TRPC1: variants seen among roughly 807,000 people sequenced by gnomAD.
TRPC1 encodes the protein transient receptor potential cation channel subfamily C member 1.
TRPC1 carries 42 observed loss-of-function variants against 88.2 expected under a neutral mutation model. The observed-to-expected ratio is 0.48, with a 90% CI of 0.37 to 0.62. The LOEUF (loss-of-function observed/expected upper bound fraction) is 0.62, where lower values mean the gene tolerates loss of function less well. TRPC1 is among the 20% of genes least tolerant of loss of function. The pLI is 0.00. For missense variants in TRPC1, 699 were observed against 957.3 expected (o/e 0.73, Z 3.56); for synonymous variants, 288 against 331.8 (o/e 0.87, Z 1.43).
intron 1 of TRPC1, among the ~76,000 whole-genome samples, chr3:142,731,002 C>T (rs1182060986): frequency 2.0e-5 from 3 of 152,156 alleles, no homozygotes; most frequent in Admixed American, 2.0e-4. Context: ...GGTGGAATCA[C>T]CTGTTCTTAA....
At chr3:142,750,592 T>G (rs1301559319) in intron 4 of TRPC1, among the ~76,000 whole-genome samples, 2 of 152,094 alleles carry the variant, frequency 1.3e-5, no homozygotes, top group East Asian at 1.9e-4. Context: ...TATAAATCAT[T>G]TTACTATAAA....
intron 4 of TRPC1, among the ~76,000 whole-genome samples, chr3:142,750,052 G>A (rs902104006): frequency 1.1e-4 from 17 of 152,088 alleles, no homozygotes; most frequent in African/African-American, 2.9e-4. Context: ...CAATGGCAGC[G>A]AAAGCCAAAA....
In TRPC1 at chr3:142,792,421, A is replaced by T. The variant is rs1486582893; in HGVS notation, c.1438-403A>T. Among the ~76,000 whole-genome samples, 1 of 151,990 alleles carries T rather than the reference A, an allele frequency of 6.6e-6. No homozygotes were observed. The highest frequency in any genetic ancestry group is 1.9e-4 in the East Asian group (1 of 5,190). ...TATTTTGTATTTAAAAGGGGGGAAA[A>T]AAACTCTGAATTCCAAGTCAAAGCA... On this transcript the variant is annotated intron_variant, in intron 8 of 12. Coordinates refer to ENST00000476941, the MANE Select transcript of TRPC1 (RefSeq NM_001251845.2). The surrounding 1 kb of genome is among the most constrained non-coding windows in gnomAD (Gnocchi z 4.0).
At chr3:142,733,053 C>T (rs1933991205) in intron 1 of TRPC1, among the ~76,000 whole-genome samples, 1 of 151,892 alleles carries the variant, frequency 6.6e-6, no homozygotes, top group African/African-American at 2.4e-5. Flanking sequence ...TCTAGGTTTC[C>T]TGTAGGTTCT....
chr3:142,754,387 A>G (rs1000597924), intron 4 of TRPC1, among the ~76,000 whole-genome samples: 2 of 152,124 alleles, frequency 1.3e-5, no homozygotes, highest in Admixed American at 6.5e-5. Flanking sequence ...AAAGAAATGG[A>G]TTGCCAGTTA....
chr3:142,794,904 C>T (rs1243952785), intron 9 of TRPC1, among the ~76,000 whole-genome samples: 1 of 151,940 alleles, frequency 6.6e-6, no homozygotes, highest in Non-Finnish European at 1.5e-5. Flanking sequence ...AAAACCTATC[C>T]AAAAGCAACA....
intron 7 of TRPC1, among the ~76,000 whole-genome samples, chr3:142,790,036 A>G (rs910834908): frequency 2.0e-5 from 3 of 152,164 alleles, no homozygotes; most frequent in Admixed American, 2.0e-4. Context: ...AGTTAGGAGA[A>G]TTGGGAGTGG....
chr3:142,781,375 A>T (rs1458635118), intron 6 of TRPC1, among the ~76,000 whole-genome samples: 1 of 152,178 alleles, frequency 6.6e-6, no homozygotes, highest in Non-Finnish European at 1.5e-5. Flanking sequence ...TAGTAGGTAC[A>T]AACTTTATAG....
In TRPC1 at chr3:142,724,659, C is replaced by T. The variant is rs1933592463; in HGVS notation, c.100C>T (p.Leu34=). ...TTCCTCGCCGAACGAGGTGATGGCG[C>T]TGAAGGATGTGCGGGAGGTGAAGGA... ...SSSSPNEVMA[L]KDVREVKEEN... The change falls in exon 1 of 13, where the codon CTG becomes TTG. Residue 34 remains leucine (L), a synonymous_variant. Coordinates refer to ENST00000476941, the MANE Select transcript of TRPC1 (RefSeq NM_001251845.2). This position sits in a 1 kb window ranked among gnomAD's most constrained non-coding sequence, Gnocchi z 5.6. 1 of 1,612,802 alleles carries T rather than the reference C, an allele frequency of 6.2e-7. No homozygotes were observed. The highest frequency in any genetic ancestry group is 1.1e-5 in the South Asian group (1 of 91,042).
chr3:142,747,969 A>G (rs1290755889), intron 3 of TRPC1, among the ~76,000 whole-genome samples: 2 of 152,148 alleles, frequency 1.3e-5, no homozygotes, highest in Non-Finnish European at 2.9e-5. Context: ...ACTTTTCCCT[A>G]AGATATTTCT....
rs763313655 is a variant in TRPC1, at chr3:142,802,240, C to T, written c.1653C>T (p.Phe551=). ...TGTTTCTTCTTGTTTTGTTTTCTTTCACAATTGGACTGACACAACTGTATG... is the reference window on the plus strand; with the variant it reads ...TGTTTCTTCTTGTTTTGTTTTCTTTTACAATTGGACTGACACAACTGTATG... ...LGMFLLVLFS[F]TIGLTQLYDK... is the part of the protein sequence containing the mutation. The change falls in exon 10 of 13, where the codon TTC becomes TTT. Residue 551 remains phenylalanine (F), a synonymous_variant. Transcript: ENST00000476941. 3 of 1,598,282 alleles carry T rather than the reference C, an allele frequency of 1.9e-6. No individual in the cohort carries two copies. The highest frequency in any genetic ancestry group is 4.5e-5 in the East Asian group (2 of 43,996).
At chr3:142,783,136 G>A (rs1936016628) in intron 6 of TRPC1, among the ~76,000 whole-genome samples, 1 of 152,150 alleles carries the variant, frequency 6.6e-6, no homozygotes, top group Non-Finnish European at 1.5e-5. Flanking sequence ...AACATTTCTA[G>A]TTAAACTTTT....
At chr3:142,728,164 G>A (rs767098581) in intron 1 of TRPC1, among the ~76,000 whole-genome samples, 1 of 152,096 alleles carries the variant, frequency 6.6e-6, no homozygotes, top group Non-Finnish European at 1.5e-5. Flanking sequence ...CTGATGTGCG[G>A]TAAATGAGTT....
At position 142,780,948 on chromosome 3, in the gene TRPC1, G is replaced by C. The variant is rs576129645; in HGVS notation, c.879G>C (p.Glu293Asp). Residue 293 changes from glutamate (E) to aspartate (D), a missense_variant, in exon 6 of 13, where the codon GAG becomes GAC. By Grantham distance (45) the Glu-to-Asp change is conservative. Transcript: ENST00000476941. ...EVILNHTSSD[E>D]PLDKRGLLEE... ...TTCTAAACCATACGTCTAGTGACGA[G>C]CCTCTTGACAAACGGGGATTATTAG... is the stretch of plus-strand genomic sequence containing the variant. The C allele has an allele frequency of 1.2e-6, 2 of 1,613,762 alleles. No individual in the cohort carries two copies. Among genetic ancestry groups the C allele is most frequent in the African/African-American group, 2.7e-5 (2 of 74,930 alleles).
chr3:142,788,628 T>C (rs1578000759), intron 7 of TRPC1, among the ~76,000 whole-genome samples: 1 of 152,172 alleles, frequency 6.6e-6, no homozygotes, highest in Admixed American at 6.5e-5. Flanking sequence ...TATGAAACTA[T>C]AGGCATAGGT....
At chr3:142,770,943 C>T (rs1240835056) in intron 4 of TRPC1, among the ~76,000 whole-genome samples, 1 of 152,136 alleles carries the variant, frequency 6.6e-6, no homozygotes, top group Non-Finnish European at 1.5e-5. Flanking sequence ...TGTTAAGGAC[C>T]TTAGGAAGCC....
chr3:142,743,431 G>A (rs1329585955), intron 2 of TRPC1, 54 bp from the exon 3 acceptor site: 10 of 1,216,838 alleles, frequency 8.2e-6, no homozygotes, highest in Non-Finnish European at 1.1e-5. Flanking sequence ...GTAAAAAGAA[G>A]TAGTTTACCT....
intron 9 of TRPC1, among the ~76,000 whole-genome samples, chr3:142,796,617 C>G (rs560605170): frequency 6.7e-6 from 1 of 150,062 alleles, no homozygotes; most frequent in African/African-American, 2.5e-5. Flanking sequence ...GCGTGGGTCC[C>G]TGATTCTTAC....
At chr3:142,793,582 T>G (rs1936362131) in intron 9 of TRPC1, among the ~76,000 whole-genome samples, 1 of 151,910 alleles carries the variant, frequency 6.6e-6, no homozygotes, top group Non-Finnish European at 1.5e-5. Flanking sequence ...TGTATGAGAG[T>G]TCAAGACTAA....
Sources: allele counts gnomAD v4.1 joint callset (sites outside exome capture counted in the v4.1 genomes callset), GRCh38; gene constraint gnomAD v4.1.1; non-coding constraint Gnocchi (gnomAD v3.1); transcripts MANE v1.5; gene names NCBI Gene and HGNC (gene_info 2026-07-23, HGNC 2026-07-21).